Variants in MYO19 observed in about 807,000 individuals in gnomAD.
MYO19 encodes the protein unconventional myosin-XIX.
Under a neutral mutation model 129.2 loss-of-function variants are expected in MYO19, and 132 were observed. The ratio of observed to expected loss-of-function variants is 1.02; its 90% confidence interval spans 0.89 to 1.18. MYO19 has a LOEUF of 1.18. Among genes scored for constraint, MYO19 ranks in the 50% most tolerant of loss-of-function variants. The pLI is 0.00. For synonymous variants in MYO19, 531 were observed against 477.2 expected (o/e 1.11, Z -1.47); for missense variants, 1,210 against 1,216.7 (o/e 0.99, Z 0.08).
At chr17:36,532,757 C>A (rs1032974952) in intron 2 of MYO19, 76 bp from the exon 3 acceptor site, 7 of 612,058 alleles carry the variant, frequency 1.1e-5, no homozygotes, top group African/African-American at 1.1e-4. Flanking sequence ...CTCCTTCCCA[C>A]CTAGCAGAAG....
In MYO19 at chr17:36,534,077, C is replaced by T. The variant is rs970035190; in HGVS notation, c.-268G>A. The T allele has an allele frequency of 2.0e-5, 3 of 152,234 alleles. No individual in the cohort carries two copies. Among genetic ancestry groups the T allele is most frequent in the African/African-American group, 7.2e-5 (3 of 41,452 alleles). The allele number at this position is 152,234 out of a possible 1,614,324, so 9.4% of individuals were successfully genotyped here. A position where few individuals can be genotyped will look rare whatever the true frequency, so the allele number is the denominator to read the frequency against. ...CTCCAGTCGGTTTCGCGGTTACCAG[C>T]CAAGAATTTCTGGAAAGGGTGTGAA... On this transcript the variant is annotated 5_prime_UTR_variant, in exon 2 of 26. Coordinates refer to ENST00000614623, the MANE Select transcript of MYO19 (RefSeq NM_001163735.2).
chr17:36,498,611 C>A, intron 24 of MYO19, 52 bp from the exon 25 acceptor site: 1 of 1,512,260 alleles, frequency 6.6e-7, no homozygotes, highest in South Asian at 1.3e-5. Context: ...GCCCTCTTAG[C>A]AGAAAATGGA....
chr17:36,522,400 C>T (rs879644989), intron 6 of MYO19, among the ~76,000 whole-genome samples: 64 of 151,178 alleles, frequency 4.2e-4, no homozygotes, highest in Middle Eastern at 3.4e-3. Context: ...CCCAGCTACT[C>T]GGGAGGAGGC....
At chr17:36,520,888 A>G (rs752259911) in intron 6 of MYO19, among the ~76,000 whole-genome samples, 10 of 151,468 alleles carry the variant, frequency 6.6e-5, no homozygotes, top group Non-Finnish European at 1.2e-4. Context: ...TGGTGCCCCT[A>G]ACCTCTGCAT....
chr17:36,509,820 C>A (rs1475099098), intron 13 of MYO19: 1 of 152,374 alleles, frequency 6.6e-6, no homozygotes, highest in Non-Finnish European at 1.5e-5. Context: ...GAAGCTCACT[C>A]TATCTGTGTT....
At chr17:36,537,899 C>G, upstream of MYO19, 1 of 1,613,964 alleles carries the variant, frequency 6.2e-7, no homozygotes, top group Non-Finnish European at 8.5e-7. Flanking sequence ...TTATTGCCCT[C>G]GGCATTACTG....
chr17:36,496,468 C>G, intron 25 of MYO19, 62 bp from the exon 26 acceptor site: 3 of 1,541,906 alleles, frequency 1.9e-6, no homozygotes, highest in Non-Finnish European at 1.8e-6. Context: ...GGCCTAACAA[C>G]CCCACAGAGC....
At chr17:36,517,419 C>T (rs1201180301) in intron 6 of MYO19, among the ~76,000 whole-genome samples, 2 of 152,030 alleles carry the variant, frequency 1.3e-5, no homozygotes, top group Non-Finnish European at 2.9e-5. Context: ...GCCACCATGC[C>T]CAGCTAATTT....
intron 2 of MYO19, among the ~76,000 whole-genome samples, chr17:36,532,927 C>T (rs76335682): frequency 0.011 from 1,610 of 152,246 alleles, 28 homozygotes; most frequent in African/African-American, 0.037. Flanking sequence ...TGCAAACCCT[C>T]TGGGTCAGTG....
intron 6 of MYO19, among the ~76,000 whole-genome samples, chr17:36,522,646 G>A (rs1218302419): frequency 2.0e-5 from 3 of 152,076 alleles, no homozygotes; most frequent in Non-Finnish European, 4.4e-5. Flanking sequence ...AACGCGGGAA[G>A]ATCACTTGAG....
intron 2 of MYO19, among the ~76,000 whole-genome samples, chr17:36,540,311 A>G (rs1473226904): frequency 2.6e-5 from 4 of 151,960 alleles, no homozygotes; most frequent in Admixed American, 2.0e-4. Context: ...ACAGCCTCCC[A>G]AAGTGCTGGG....
chr17:36,512,833 A>G (rs2072457523), intron 11 of MYO19: 1 of 1,253,282 alleles, frequency 8.0e-7, no homozygotes, highest in South Asian at 1.3e-5. Context: ...CAAAGACAGA[A>G]GGGAGGCCCC....
chr17:36,516,026 T>C, intron 6 of MYO19, 36 bp from the exon 7 acceptor site: 2 of 1,583,836 alleles, frequency 1.3e-6, no homozygotes, highest in South Asian at 1.1e-5. Context: ...GCTGTATCTA[T>C]GCTCCCGCCC....
chr17:36,529,548 T>A (rs138660965), intron 3 of MYO19, among the ~76,000 whole-genome samples: 1 of 152,308 alleles, frequency 6.6e-6, no homozygotes, highest in East Asian at 1.9e-4. Flanking sequence ...GGTGGCAAAT[T>A]TCCTCCAAGA....
upstream of MYO19, chr17:36,535,749 C>T (rs1323936965): frequency 6.6e-6 from 1 of 152,200 alleles, no homozygotes; most frequent in African/African-American, 2.4e-5. Flanking sequence ...CCTTCCACCT[C>T]TGGGCTCAAG....
intron 6 of MYO19, among the ~76,000 whole-genome samples, chr17:36,519,183 T>C (rs1010579144): frequency 2.0e-5 from 3 of 152,234 alleles, no homozygotes; most frequent in Non-Finnish European, 4.4e-5. Flanking sequence ...CCATTGTGCC[T>C]GGCCTCAAAA....
rs571584921 is a variant in MYO19, at chr17:36,502,841, C to G, written c.2080+256G>C. Reference sequence around the variant, plus strand: ...CATCACCTGGCTAATCCAATTTATTCTCAGATACTACCTCTTCCAGGAAGC... The same window carrying G: ...CATCACCTGGCTAATCCAATTTATTGTCAGATACTACCTCTTCCAGGAAGC... On this transcript the variant is annotated intron_variant, in intron 21 of 25. Coordinates refer to ENST00000614623, the MANE Select transcript of MYO19 (RefSeq NM_001163735.2). 1.7e-4 allele frequency: 94 copies of G among 545,212 alleles called. No homozygotes were observed. The African/African-American group carries it at 1.7e-3, about 10-fold the overall frequency. 33.8% of individuals were successfully genotyped at this position (545,212 alleles called of 1,614,324 possible).
At chr17:36,504,954 G>T in intron 19 of MYO19, 1 of 325,776 alleles carries the variant, frequency 3.1e-6, no homozygotes, top group Non-Finnish European at 5.9e-6. Context: ...CCTCCAGTGA[G>T]AAATGGCTGC....
At chr17:36,501,303 G>A in intron 21 of MYO19, 68 bp from the exon 22 acceptor site, 1 of 1,514,042 alleles carries the variant, frequency 6.6e-7, no homozygotes, top group Non-Finnish European at 9.0e-7. Flanking sequence ...TGAAGAAACT[G>A]GCTTTGGCCT....
Sources: allele counts gnomAD v4.1 joint callset (sites outside exome capture counted in the v4.1 genomes callset), GRCh38; gene constraint gnomAD v4.1.1; transcripts MANE v1.5; gene names NCBI Gene and HGNC (gene_info 2026-07-23, HGNC 2026-07-21).